Variants in TNFRSF9 observed in about 807,000 individuals in gnomAD.
TNFRSF9 encodes the protein tumor necrosis factor receptor superfamily member 9.
In TNFRSF9, 16 loss-of-function variants were observed where a neutral mutation model predicts 28.8. The observed-to-expected ratio is 0.55, with a 90% confidence interval of 0.38 to 0.84. The LOEUF is 0.84. TNFRSF9 is among the 40% of genes least tolerant of loss of function. The probability of loss-of-function intolerance (pLI) is 0.00; values close to 1 mark genes in which losing one functional copy is unlikely to be tolerated. For synonymous variants in TNFRSF9, 131 were observed against 117.0 expected, an observed-to-expected ratio of 1.12 and a Z score of -0.77; for missense variants, 303 against 315.0, an observed-to-expected ratio of 0.96 and a Z score of 0.29.
At chr1:7,933,048 A>T (rs1434810255) in intron 7 of TNFRSF9, 114 bp downstream of exon 7, 7 of 1,318,572 alleles carry the variant, frequency 5.3e-6, no homozygotes, top group Non-Finnish European at 7.2e-6. Context: ...CCTGCGTGAT[A>T]GCCACGGGGC....
At chr1:7,925,733 G>A (rs1639642040) in intron 7 of TNFRSF9, among the ~76,000 whole-genome samples, 1 of 152,160 alleles carries the variant, frequency 6.6e-6, no homozygotes, top group South Asian at 2.1e-4. Flanking sequence ...TAAGGAGCGT[G>A]CAACCTCGAT....
At chr1:7,937,172 G>T (rs958137287) in intron 5 of TNFRSF9, among the ~76,000 whole-genome samples, 23 of 152,192 alleles carry the variant, frequency 1.5e-4, no homozygotes, top group African/African-American at 5.6e-4. Context: ...AGTTCCACTG[G>T]CAATTCTTTT....
rs764034405 is a variant in TNFRSF9, at chr1:7,938,714, C to T, written c.208+7G>A. The T allele has an allele frequency of 2.5e-6, 4 of 1,589,062 alleles. No individual in the cohort carries two copies. Among genetic ancestry groups the T allele is most frequent in the South Asian group, 2.2e-5 (2 of 88,934 alleles). ...TCTAGAAGAAGAAAATATCTTTGAA[C>T]TCATACCTTTACACTGCCTGCATAT... is the stretch of plus-strand genomic sequence containing the variant. On this transcript the variant is annotated splice_region_variant and intron_variant, in intron 3 of 7. Transcript: ENST00000377507.
chr1:7,931,797 G>A (rs1639734616), intron 7 of TNFRSF9, among the ~76,000 whole-genome samples: 1 of 152,214 alleles, frequency 6.6e-6, no homozygotes, highest in Admixed American at 6.5e-5. Context: ...ATGTATAAAA[G>A]TTCTATATTG....
intron 5 of TNFRSF9, 111 bp downstream of exon 5, chr1:7,937,579 A>C: frequency 1.2e-6 from 1 of 828,468 alleles, no homozygotes; most frequent in Non-Finnish European, 2.0e-6. Flanking sequence ...AGTATGTTAC[A>C]TTCTGTCTAC....
intron 7 of TNFRSF9, among the ~76,000 whole-genome samples, chr1:7,924,768 A>G (rs997923405): frequency 1.3e-5 from 2 of 152,122 alleles, no homozygotes; most frequent in African/African-American, 4.8e-5. Context: ...TGCCCCAAAG[A>G]TCTTCCAGTG....
intron 7 of TNFRSF9, among the ~76,000 whole-genome samples, chr1:7,923,166 G>T (rs1451906848): frequency 6.6e-6 from 1 of 152,114 alleles, no homozygotes; most frequent in Non-Finnish European, 1.5e-5. Flanking sequence ...CTCCCAAAGT[G>T]CTGGGATTAC....
chr1:7,937,608 AG>A, intron 5 of TNFRSF9, 81 bp downstream of exon 5: 1 of 1,157,734 alleles, frequency 8.6e-7, no homozygotes, highest in Non-Finnish European at 1.3e-6. Flanking sequence ...GGTGCAAAAA[AG>A]CTTCAATGAT....
intron 7 of TNFRSF9, among the ~76,000 whole-genome samples, chr1:7,927,493 G>T (rs1639671468): frequency 1.3e-5 from 2 of 151,892 alleles, no homozygotes; most frequent in East Asian, 1.9e-4. Context: ...TCCCGCTTTT[G>T]CCCCCCTTTG....
chr1:7,940,302 C>G (rs899922415), intron 1 of TNFRSF9, among the ~76,000 whole-genome samples: 4 of 152,186 alleles, frequency 2.6e-5, no homozygotes, highest in African/African-American at 9.7e-5. Context: ...TTTGAGGGTG[C>G]ATTTTCCATC....
rs956630210 is a variant in TNFRSF9 at position 7,917,991 on chromosome 1, G to T, written c.*2844C>A. On this transcript the variant is annotated 3_prime_UTR_variant, in exon 8 of 8. Transcript: ENST00000377507. Reference sequence around the variant, plus strand: ...ATATATATATAGATATAGATAGATAGATAGATAGATAGGCAGAATTTCACT... The same window carrying T: ...ATATATATATAGATATAGATAGATATATAGATAGATAGGCAGAATTTCACT... 6.7e-6 allele frequency: 1 copy of T among 149,742 alleles called. No homozygotes were observed. Among genetic ancestry groups the T allele is most frequent in the African/African-American group, 2.5e-5 (1 of 39,908 alleles). The allele number at this position is 149,742 out of a possible 1,614,324, so 9.3% of individuals were successfully genotyped here.
At chr1:7,934,073 A>G (rs1004306456) in intron 6 of TNFRSF9, among the ~76,000 whole-genome samples, 1 of 152,086 alleles carries the variant, frequency 6.6e-6, no homozygotes, top group Non-Finnish European at 1.5e-5. Context: ...TTTCTAGCAC[A>G]TAGAAAATAT....
In TNFRSF9 at chr1:7,938,183, G is replaced by A. The variant is rs754883091; in HGVS notation, c.346+10C>T. ...CAAAACTACACTAGATCAAAGAAACGCAAACGTACCTTTTTTTGTCAGTTC... is the reference window on the plus strand; with the variant it reads ...CAAAACTACACTAGATCAAAGAAACACAAACGTACCTTTTTTTGTCAGTTC... On this transcript the variant is annotated intron_variant, in intron 4 of 7. Coordinates refer to ENST00000377507, the MANE Select transcript of TNFRSF9 (RefSeq NM_001561.6). 3.6e-5 allele frequency: 56 copies of A among 1,564,196 alleles called. No individual in the cohort carries two copies. The highest frequency in any genetic ancestry group is 4.2e-5 in the Non-Finnish European group (48 of 1,154,092).
intron 7 of TNFRSF9, among the ~76,000 whole-genome samples, chr1:7,925,412 C>T (rs1639635362): frequency 6.6e-6 from 1 of 151,980 alleles, no homozygotes; most frequent in African/African-American, 2.4e-5. Context: ...CTTAAGTGTA[C>T]AGTGTTTATA....
intron 7 of TNFRSF9, 103 bp from the exon 8 acceptor site, chr1:7,921,026 C>A: frequency 3.5e-6 from 3 of 847,376 alleles, no homozygotes; most frequent in Non-Finnish European, 5.8e-6. Context: ...AAGCAGCAAA[C>A]ATTCTCCCCT....
chr1:7,919,127 A>G lies in TNFRSF9; in HGVS notation c.*1708T>C, dbSNP rs1558527179. 6.6e-6 allele frequency: 1 copy of G among 152,180 alleles called. No individual in the cohort carries two copies. The highest frequency in any genetic ancestry group is 2.4e-5 in the African/African-American group (1 of 41,450). The allele number at this position is 152,180 out of a possible 1,614,324, so 9.4% of individuals were successfully genotyped here. ...TTGCCATGCGATGGCCAATGTTCCA[A>G]ATAGAAGCTGCTCCCTCCACCTAAA... On this transcript the variant is annotated 3_prime_UTR_variant, in exon 8 of 8. Transcript: ENST00000377507.
chr1:7,938,095 G>A lies in TNFRSF9; in HGVS notation c.346+98C>T. Reference sequence around the variant, plus strand: ...TCATATACTCCCTTGTTACTTTAAGGTTCTACAAATCTGTTTGTTTATTTT... The same window carrying A: ...TCATATACTCCCTTGTTACTTTAAGATTCTACAAATCTGTTTGTTTATTTT... On this transcript the variant is annotated intron_variant, in intron 4 of 7. Coordinates refer to ENST00000377507, the MANE Select transcript of TNFRSF9 (RefSeq NM_001561.6). 3.4e-6 allele frequency: 4 copies of A among 1,166,224 alleles called. No individual in the cohort carries two copies. The South Asian group carries it at 7.0e-5, about 20-fold the overall frequency. The allele number at this position is 1,166,224 out of a possible 1,614,324, so 72.2% of individuals were successfully genotyped here.
At chr1:7,931,448 A>G (rs973581294) in intron 7 of TNFRSF9, among the ~76,000 whole-genome samples, 3 of 152,258 alleles carry the variant, frequency 2.0e-5, no homozygotes, top group Admixed American at 2.0e-4. Flanking sequence ...GTGGAAATCA[A>G]CTAAAGATGA....
intron 2 of TNFRSF9, 63 bp from the exon 3 acceptor site, chr1:7,938,891 C>T (rs1431403682): frequency 1.1e-5 from 13 of 1,179,668 alleles, no homozygotes; most frequent in South Asian, 2.9e-5. Context: ...CAAGGCATTC[C>T]GAAGTTTACA....
Sources: gnomAD v4.1 joint callset for allele counts (sites outside exome capture counted in the v4.1 genomes callset) on GRCh38, gnomAD v4.1.1 for gene constraint, MANE v1.5 for transcripts, NCBI Gene and HGNC (gene_info 2026-07-23, HGNC 2026-07-21) for gene names.